RAB20: variants seen among roughly 807,000 people sequenced by gnomAD.
The protein encoded by RAB20 is RAB20, member RAS oncogene family, also known as ras-related protein Rab-20.
In RAB20, 2 loss-of-function variants were observed where a neutral mutation model predicts 3.7. The ratio of observed to expected loss-of-function variants is 0.54; its 90% confidence interval spans 0.22 to 1.69. RAB20 has a LOEUF of 1.69. RAB20 is among the 40% of genes most tolerant of loss of function. The pLI is 0.19. For missense variants in RAB20, 276 were observed against 311.9 expected, an observed-to-expected ratio of 0.88 and a Z score of 0.87; for synonymous variants, 126 against 130.8, an observed-to-expected ratio of 0.96 and a Z score of 0.25.
At chr13:110,542,287 CATCT>C (rs556679430) in intron 1 of RAB20, among the ~76,000 whole-genome samples, 25 of 152,298 alleles carry the variant, frequency 1.6e-4, no homozygotes, top group South Asian at 1.4e-3. Flanking sequence ...CTAATTAACA[CATCT>C]ATCACTGCAC....
chr13:110,523,166 CGA>C lies in RAB20; in HGVS notation c.*497_*498del, dbSNP rs768579818. 2 of 400,622 alleles carry C rather than the reference CGA, an allele frequency of 5.0e-6. No individual in the cohort carries two copies. Among genetic ancestry groups the C allele is most frequent in the Non-Finnish European group, 8.8e-6 (2 of 227,900 alleles). 24.8% of individuals were successfully genotyped at this position (400,622 alleles called of 1,614,324 possible). A position where few individuals can be genotyped will look rare whatever the true frequency, so the allele number is the denominator to read the frequency against. On this transcript the variant is annotated 3_prime_UTR_variant, in exon 2 of 2. Transcript: ENST00000267328. ...CCTGATTTTGTATAAATGAACACGTCGAGAGTCAGGATTATAAAGCATCAAGA... is the reference window on the plus strand; with the variant it reads ...CCTGATTTTGTATAAATGAACACGTCGAGTCAGGATTATAAAGCATCAAGA...
rs1179374946 is a variant in RAB20, at chr13:110,555,475, A to C, written c.172+5873T>G. Among the ~76,000 whole-genome samples, 1 of 152,016 alleles carries C rather than the reference A, an allele frequency of 6.6e-6. No homozygotes were observed. Among genetic ancestry groups the C allele is most frequent in the Non-Finnish European group, 1.5e-5 (1 of 67,994 alleles). On this transcript the variant is annotated intron_variant, in intron 1 of 1. Transcript: ENST00000267328. This position sits in a 1 kb window ranked among gnomAD's most constrained non-coding sequence, Gnocchi z 4.0. ...GTGGCTCAGCCATCAGCATCCTCTA[A>C]AGAGGCCAGAGGCTGGGCCCATCTC...
intron 1 of RAB20, among the ~76,000 whole-genome samples, chr13:110,547,717 A>G (rs1157173504): frequency 6.6e-6 from 1 of 152,194 alleles, no homozygotes; most frequent in Non-Finnish European, 1.5e-5. Context: ...AAAGGAGCTA[A>G]AATGGGGAAG....
intron 1 of RAB20, among the ~76,000 whole-genome samples, chr13:110,539,007 T>C (rs1443066559): frequency 2.6e-5 from 4 of 152,308 alleles, no homozygotes; most frequent in African/African-American, 9.6e-5. Flanking sequence ...CCTCTAATAG[T>C]AATGCTTTTC....
In RAB20 at chr13:110,523,212, G is replaced by A. The variant is rs1884360343; in HGVS notation, c.*453C>T. ...ATCAAGATACAAGTACCAAGTGGGA[G>A]GACCAAAGACAACTCACAGTGAAGA... On this transcript the variant is annotated 3_prime_UTR_variant, in exon 2 of 2. Transcript: ENST00000267328. 2 of 406,362 alleles carry A rather than the reference G, an allele frequency of 4.9e-6. No individual in the cohort carries two copies. Among genetic ancestry groups the A allele is most frequent in the East Asian group, 3.5e-5 (1 of 28,598 alleles). 25.2% of individuals were successfully genotyped at this position (406,362 alleles called of 1,614,324 possible). A position where few individuals can be genotyped will look rare whatever the true frequency, so the allele number is the denominator to read the frequency against.
intron 1 of RAB20, among the ~76,000 whole-genome samples, chr13:110,538,692 A>G (rs1378639933): frequency 1.3e-5 from 2 of 152,162 alleles, no homozygotes; most frequent in Non-Finnish European, 2.9e-5. Context: ...ATGCATCAAG[A>G]GCAAAATGCC....
At chr13:110,551,597 G>C (rs1425136350) in intron 1 of RAB20, among the ~76,000 whole-genome samples, 1 of 152,112 alleles carries the variant, frequency 6.6e-6, no homozygotes, top group African/African-American at 2.4e-5. Flanking sequence ...AACCTGCCTG[G>C]GCCAGCGTTC....
In RAB20 at chr13:110,555,825, C is replaced by CT. The variant is rs1885029759; in HGVS notation, c.172+5522_172+5523insA. 6.6e-6 allele frequency among the ~76,000 whole-genome samples: 1 copy of CT among 152,194 alleles called. No homozygotes were observed. Among genetic ancestry groups the CT allele is most frequent in the African/African-American group, 2.4e-5 (1 of 41,446 alleles). Reference sequence around the variant, plus strand: ...CTCTTTACCACGGCCACCGCGAGTGCCCCCAGCCTTCCCTCCTCTCGCCGT... The same window carrying CT: ...CTCTTTACCACGGCCACCGCGAGTGCTCCCCAGCCTTCCCTCCTCTCGCCGT... On this transcript the variant is annotated intron_variant, in intron 1 of 1. Coordinates refer to ENST00000267328, the MANE Select transcript of RAB20 (RefSeq NM_017817.3). The surrounding 1 kb of genome is among the most constrained non-coding windows in gnomAD (Gnocchi z 4.0).
At chr13:110,542,505 T>C (rs2479432) in intron 1 of RAB20, among the ~76,000 whole-genome samples, 49,532 of 151,840 alleles carry the variant, frequency 0.33, 8,842 homozygotes, top group African/African-American at 0.47. Flanking sequence ...ACCTGCCAGC[T>C]CCTTGTAACC....
chr13:110,561,197 C>T (rs987796702), intron 1 of RAB20, 151 bp downstream of exon 1: 5 of 1,070,032 alleles, frequency 4.7e-6, no homozygotes, highest in African/African-American at 1.7e-5. Context: ...GCCCAACCAG[C>T]AAGGGAGGAC....
chr13:110,553,648 C>T (rs764598867), intron 1 of RAB20, among the ~76,000 whole-genome samples: 1 of 152,216 alleles, frequency 6.6e-6, no homozygotes, highest in South Asian at 2.1e-4. Flanking sequence ...CAGCAGCAGG[C>T]CTGCGTCAGG....
At chr13:110,551,752 T>C in intron 1 of RAB20, among the ~76,000 whole-genome samples, 1 of 151,856 alleles carries the variant, frequency 6.6e-6, no homozygotes, top group East Asian at 1.9e-4. Context: ...TTATATGAAG[T>C]CTCAATACAG....
At chr13:110,528,462 T>C (rs1291083728) in intron 1 of RAB20, among the ~76,000 whole-genome samples, 1 of 151,368 alleles carries the variant, frequency 6.6e-6, no homozygotes, top group Non-Finnish European at 1.5e-5. Flanking sequence ...TGCTTCTTCG[T>C]CATTACCACA....
At chr13:110,536,727 GGT>G (rs1315323313) in intron 1 of RAB20, among the ~76,000 whole-genome samples, 454 of 17,368 alleles carry the variant, frequency 0.026, 98 homozygotes, top group African/African-American at 0.088. Flanking sequence ...TTTTTGGGGC[GGT>G]GGGGGGGGGT....
At chr13:110,552,170 G>A (rs143657059) in intron 1 of RAB20, among the ~76,000 whole-genome samples, 3,104 of 151,302 alleles carry the variant, frequency 0.021, 110 homozygotes, top group African/African-American at 0.072. Flanking sequence ...CTTGAGGTCA[G>A]GAGTTCAAGA....
At chr13:110,540,942 G>A (rs1031547983) in intron 1 of RAB20, among the ~76,000 whole-genome samples, 13 of 152,228 alleles carry the variant, frequency 8.5e-5, no homozygotes, top group Non-Finnish European at 1.8e-4. Flanking sequence ...AGCAAGCCCC[G>A]CGCAGCTGCC....
chr13:110,540,940 C>T (rs1884749063), intron 1 of RAB20, among the ~76,000 whole-genome samples: 1 of 152,162 alleles, frequency 6.6e-6, no homozygotes, highest in Non-Finnish European at 1.5e-5. Context: ...GCAGCAAGCC[C>T]CGCGCAGCTG....
At chr13:110,547,386 G>A (rs189192570) in intron 1 of RAB20, among the ~76,000 whole-genome samples, 1 of 152,376 alleles carries the variant, frequency 6.6e-6, no homozygotes. Context: ...TCTCGTTAGT[G>A]ATGAGACAGG....
At chr13:110,542,818 CA>C (rs1884787744) in intron 1 of RAB20, among the ~76,000 whole-genome samples, 1 of 152,198 alleles carries the variant, frequency 6.6e-6, no homozygotes, top group Non-Finnish European at 1.5e-5. Flanking sequence ...GACAGATACC[CA>C]GCAGTGGGAC....
Sources: gnomAD v4.1 joint callset for allele counts (sites outside exome capture counted in the v4.1 genomes callset) on GRCh38, gnomAD v4.1.1 for gene constraint, Gnocchi (gnomAD v3.1) non-coding constraint, MANE v1.5 for transcripts, NCBI Gene and HGNC (gene_info 2026-07-23, HGNC 2026-07-21) for gene names.